The following COL11A2 variants were observed in gnomAD, a reference collection of about 807,000 sequenced individuals.
The protein encoded by COL11A2 is collagen alpha-2(XI) chain.
COL11A2 carries 116 observed loss-of-function variants against 273.4 expected under a neutral mutation model. The observed-to-expected ratio is 0.42, with a 90% CI of 0.36 to 0.49. COL11A2 has a LOEUF of 0.49. COL11A2 is among the 20% of genes least tolerant of loss of function. The pLI, the probability that COL11A2 is intolerant of heterozygous loss-of-function variation, is 0.00. For missense variants in COL11A2, 1,866 were observed against 2,309.0 expected, an observed-to-expected ratio of 0.81 and a Z score of 3.93; for synonymous variants, 782 against 864.2, an observed-to-expected ratio of 0.90 and a Z score of 1.67.
Position 33,167,759 on chromosome 6 carries a change from C to T in COL11A2, c.4014+40G>A, listed in dbSNP as rs755208048. Reference sequence around the variant, plus strand: ...ACGGAGGCATCTGAGGGGTGGGAGGCGGAGGGGATGCTCCAGCACTAGGGC... The same window carrying T: ...ACGGAGGCATCTGAGGGGTGGGAGGTGGAGGGGATGCTCCAGCACTAGGGC... On this transcript the variant is annotated intron_variant, in intron 55 of 65. Coordinates refer to ENST00000341947, the MANE Select transcript of COL11A2 (RefSeq NM_080680.3). This position sits in a 1 kb window ranked among gnomAD's most constrained non-coding sequence, Gnocchi z 6.1. 6.8e-5 allele frequency: 109 copies of T among 1,610,676 alleles called. No individual in the cohort carries two copies. Among genetic ancestry groups the T allele is most frequent in the East Asian group, 4.2e-4 (19 of 44,814 alleles).
Position 33,178,153 on chromosome 6 carries a change from T to A in COL11A2, c.1851A>T (p.Pro617=). 4 of 1,610,256 alleles carry A rather than the reference T, an allele frequency of 2.5e-6. No homozygotes were observed. Among genetic ancestry groups the A allele is most frequent in the Non-Finnish European group, 3.4e-6 (4 of 1,178,308 alleles). ...GPRGLLGPKG[P]PGIPGPPGVR... is the part of the protein sequence containing the mutation. The stretch of plus-strand genomic sequence containing the variant: ...TTACAGGGGGTCCAGGAATACCAGG[T>A]GGGCCTTTGGGGCCAAGGAGACCTC... Residue 617 remains proline, a synonymous_variant, in exon 21 of 66, where the codon CCA becomes CCT. Coordinates refer to ENST00000341947, the MANE Select transcript of COL11A2 (RefSeq NM_080680.3). The surrounding 1 kb of genome is among the most constrained non-coding windows in gnomAD (Gnocchi z 4.6).
intron 29 of COL11A2, 73 bp downstream of exon 29, chr6:33,175,943 C>G: frequency 6.4e-7 from 1 of 1,557,942 alleles, no homozygotes; most frequent in Non-Finnish European, 8.8e-7. Context: ...GGAGAATAAA[C>G]CGGTGCTTGG....
intron 8 of COL11A2, among the ~76,000 whole-genome samples, chr6:33,182,325 A>G (rs529890013): frequency 1.3e-5 from 2 of 152,356 alleles, no homozygotes; most frequent in African/African-American, 4.8e-5. Context: ...CCAGAAATGA[A>G]AAAGTATATG....
intron 40 of COL11A2, 42 bp from the exon 41 acceptor site, chr6:33,172,145 G>T: frequency 6.2e-7 from 1 of 1,611,356 alleles, no homozygotes; most frequent in Non-Finnish European, 8.5e-7. Context: ...TTCACGAAAA[G>T]AGAAGGGTGA....
At position 33,164,367 on chromosome 6, in the gene COL11A2, C is replaced by A. The variant is rs1300439797; in HGVS notation, c.4970G>T (p.Gly1657Val). The change falls in exon 65 of 66, where the codon GGA (glycine) becomes GTA (valine). Residue 1657 changes from glycine (G) to valine (V), a missense_variant. Coordinates refer to ENST00000341947, the MANE Select transcript of COL11A2 (RefSeq NM_080680.3). The surrounding 1 kb of genome is among the most constrained non-coding windows in gnomAD (Gnocchi z 4.7). ...AHQDVSYPCSGAARDGPLRLR... is the reference protein window; with the variant it reads ...AHQDVSYPCSVAARDGPLRLR... ...TCTCAGGGGACCGTCACGGGCTGCT[C>A]CAGAGCAGGGGTAGGAGACGTCCTG... The A allele has an allele frequency of 6.2e-7, 1 of 1,612,380 alleles. No homozygotes were observed. The highest frequency in any genetic ancestry group is 2.2e-5 in the East Asian group (1 of 44,878).
chr6:33,178,197 G>A lies in COL11A2; in HGVS notation c.1819-12C>T, dbSNP rs752429079. ...AGACCTCGAGGTCCCTGCATTCACG[G>A]TGAGGGGAGGAGACGGCATGAATGG... On this transcript the variant is annotated splice_polypyrimidine_tract_variant and intron_variant, in intron 20 of 65. Transcript: ENST00000341947. The surrounding 1 kb of genome is among the most constrained non-coding windows in gnomAD (Gnocchi z 4.6). 2.5e-6 allele frequency: 4 copies of A among 1,611,502 alleles called. No homozygotes were observed. The highest frequency in any genetic ancestry group is 1.7e-5 in the Admixed American group (1 of 59,950).
At position 33,172,590 on chromosome 6, in the gene COL11A2, G is replaced by T; in HGVS notation, c.2838C>A (p.Gly946=). Residue 946 remains glycine, a synonymous_variant, in exon 39 of 66, where the codon GGC becomes GGA. Coordinates refer to ENST00000341947, the MANE Select transcript of COL11A2 (RefSeq NM_080680.3). The stretch of plus-strand genomic sequence containing the variant: ...CCTGCTCTCCAGGGGGCCCCGGGGG[G>T]CCTGGGTGACCTCTCTCCCCCATAG... ...TGPMGERGHP[G]PPGPPGEQGL... The T allele has an allele frequency of 6.2e-7, 1 of 1,612,632 alleles. No individual in the cohort carries two copies. Among genetic ancestry groups the T allele is most frequent in the Non-Finnish European group, 8.5e-7 (1 of 1,179,922 alleles).
At position 33,188,485 on chromosome 6, in the gene COL11A2, G is replaced by A. The variant is rs754610645; in HGVS notation, c.483C>T (p.Val161=). The change falls in exon 4 of 66, where the codon GTC becomes GTT. Residue 161 remains valine (V), a synonymous_variant. Transcript: ENST00000341947. ...GCTTCTTGCAGTCAACAATGAGGGT[G>A]ACAGACTGGCCCTTCACAGCCACAG... is the stretch of plus-strand genomic sequence containing the variant. ...RVAVAVKGQS[V]TLIVDCKKRV... The A allele has an allele frequency of 1.9e-5, 30 of 1,613,074 alleles. No homozygotes were observed. In the Admixed American group the frequency reaches 4.2e-4, roughly 22 times the overall value.
Position 33,166,959 on chromosome 6 carries a change from G to A in COL11A2, c.4230+111C>T, listed in dbSNP as rs1769242779. ...GGCCCTCACTGAGCAGGGACTCCCT[G>A]GGACTGGCTGCCGGAGGCCTGAAGC... On this transcript the variant is annotated intron_variant, in intron 58 of 65. Transcript: ENST00000341947. The surrounding 1 kb of genome is among the most constrained non-coding windows in gnomAD (Gnocchi z 4.8). 5.2e-6 allele frequency: 8 copies of A among 1,538,970 alleles called. No individual in the cohort carries two copies. Among genetic ancestry groups the A allele is most frequent in the Non-Finnish European group, 6.2e-6 (7 of 1,124,288 alleles).
chr6:33,184,774 T>G (rs111477966), intron 7 of COL11A2, among the ~76,000 whole-genome samples: 1 of 152,126 alleles, frequency 6.6e-6, no homozygotes, highest in East Asian at 1.9e-4. Flanking sequence ...CAAAGAATCA[T>G]GGAAGGAGGC....
rs754192140 is a variant in COL11A2, at chr6:33,177,225, C to T, written c.1972G>A (p.Gly658Ser). Residue 658 changes from glycine (G) to serine (S), a missense_variant and splice_region_variant, in exon 24 of 66, where the codon GGT becomes AGT. Coordinates refer to ENST00000341947, the MANE Select transcript of COL11A2 (RefSeq NM_080680.3). The surrounding 1 kb of genome is among the most constrained non-coding windows in gnomAD (Gnocchi z 5.9). ...ATGGCACCCTGGGGCCCGGGAAGAC[C>T]CTACATACAGGGAAAGAGAAGTCAC... ...PGQQGTPGTQ[G>S]LPGPQGAIGP... The T allele has an allele frequency of 6.2e-7, 1 of 1,613,018 alleles. No homozygotes were observed.
Position 33,164,528 on chromosome 6 carries a change from A to T in COL11A2, c.4864-55T>A. On this transcript the variant is annotated intron_variant, in intron 64 of 65. Coordinates refer to ENST00000341947, the MANE Select transcript of COL11A2 (RefSeq NM_080680.3). The surrounding 1 kb of genome is among the most constrained non-coding windows in gnomAD (Gnocchi z 4.7). ...GGGGGAGAGAGAGGGCTGGCCTCAGAGGGAGACAGAGACGGGCCTCAGGAG... is the reference window on the plus strand; with the variant it reads ...GGGGGAGAGAGAGGGCTGGCCTCAGTGGGAGACAGAGACGGGCCTCAGGAG... 1 of 1,411,438 alleles carries T rather than the reference A, an allele frequency of 7.1e-7. No homozygotes were observed. The highest frequency in any genetic ancestry group is 9.5e-7 in the Non-Finnish European group (1 of 1,048,930). 87.4% of individuals were successfully genotyped at this position (1,411,438 alleles called of 1,614,324 possible). A position where few individuals can be genotyped will look rare whatever the true frequency, so the allele number is the denominator to read the frequency against.
At position 33,189,216 on chromosome 6, in the gene COL11A2, G is replaced by C. The variant is rs1364675180; in HGVS notation, c.233-28C>G. On this transcript the variant is annotated intron_variant, in intron 2 of 65. Transcript: ENST00000341947. This position sits in a 1 kb window ranked among gnomAD's most constrained non-coding sequence, Gnocchi z 5.6. ...AGTAACCGAGAGAGATACACACAGA[G>C]TGAGAGGCAAAGGGAGCCGCCACAA... 3.1e-6 allele frequency: 5 copies of C among 1,612,534 alleles called. No individual in the cohort carries two copies. The highest frequency in any genetic ancestry group is 2.5e-6 in the Non-Finnish European group (3 of 1,179,242).
rs55933410 is a variant in COL11A2, at chr6:33,169,616, G to A, written c.3691-126C>T. The A allele has an allele frequency of 8.8e-7, 1 of 1,131,326 alleles. No individual in the cohort carries two copies. Among genetic ancestry groups the A allele is most frequent in the Admixed American group, 1.9e-5 (1 of 52,214 alleles). The allele number at this position is 1,131,326 out of a possible 1,614,324, so 70.1% of individuals were successfully genotyped here. A position where few individuals can be genotyped will look rare whatever the true frequency, so the allele number is the denominator to read the frequency against. Reference sequence around the variant, plus strand: ...AGTGACAATGGGACATACACAGAAAGTCAAGCCTACAAGGGGAGTTCCCTA... The same window carrying A: ...AGTGACAATGGGACATACACAGAAAATCAAGCCTACAAGGGGAGTTCCCTA... On this transcript the variant is annotated intron_variant, in intron 50 of 65. Coordinates refer to ENST00000341947, the MANE Select transcript of COL11A2 (RefSeq NM_080680.3). This position sits in a 1 kb window ranked among gnomAD's most constrained non-coding sequence, Gnocchi z 5.5.
At position 33,170,383 on chromosome 6, in the gene COL11A2, G is replaced by T. The variant is rs763393192; in HGVS notation, c.3529-4C>A. 1.2e-6 allele frequency: 2 copies of T among 1,613,016 alleles called. No individual in the cohort carries two copies. The highest frequency in any genetic ancestry group is 1.3e-5 in the African/African-American group (1 of 74,790). On this transcript the variant is annotated splice_polypyrimidine_tract_variant and splice_region_variant and intron_variant, in intron 47 of 65. Coordinates refer to ENST00000341947, the MANE Select transcript of COL11A2 (RefSeq NM_080680.3). This position sits in a 1 kb window ranked among gnomAD's most constrained non-coding sequence, Gnocchi z 4.3. Reference sequence around the variant, plus strand: ...GTCCTGGGGGGCCAGGTGGTCCCTGGGGGAAACAGATACACCACAGATGAG... The same window carrying T: ...GTCCTGGGGGGCCAGGTGGTCCCTGTGGGAAACAGATACACCACAGATGAG...
Position 33,170,437 on chromosome 6 carries a change from T to A in COL11A2, c.3529-58A>T, listed in dbSNP as rs546624839. On this transcript the variant is annotated intron_variant, in intron 47 of 65. Transcript: ENST00000341947. The surrounding 1 kb of genome is among the most constrained non-coding windows in gnomAD (Gnocchi z 4.3). ...GGGAAGTGAGATGGCTGAGCATGAA[T>A]GGTGGAGAGAGGAGGAGGAGCAGCC... is the stretch of plus-strand genomic sequence containing the variant. 1 of 1,466,472 alleles carries A rather than the reference T, an allele frequency of 6.8e-7. No individual in the cohort carries two copies. The highest frequency in any genetic ancestry group is 1.1e-5 in the South Asian group (1 of 88,346). 90.8% of individuals were successfully genotyped at this position (1,466,472 alleles called of 1,614,324 possible). A position where few individuals can be genotyped will look rare whatever the true frequency, so the allele number is the denominator to read the frequency against.
Position 33,174,226 on chromosome 6 carries a change from GA to G in COL11A2, c.2431-9del. The G allele has an allele frequency of 6.4e-7, 1 of 1,555,962 alleles. No homozygotes were observed. The highest frequency in any genetic ancestry group is 8.7e-7 in the Non-Finnish European group (1 of 1,150,992). ...AGGAAATCCTAGGGACCCCTGGTGAGAACGGAGAAGGGGGGAAATTGAGAAG... is the reference window on the plus strand; with the variant it reads ...AGGAAATCCTAGGGACCCCTGGTGAGACGGAGAAGGGGGGAAATTGAGAAG... On this transcript the variant is annotated splice_polypyrimidine_tract_variant and intron_variant, in intron 31 of 65. Coordinates refer to ENST00000341947, the MANE Select transcript of COL11A2 (RefSeq NM_080680.3).
Position 33,186,733 on chromosome 6 carries a change from C to A in COL11A2, c.692G>T (p.Gly231Val), listed in dbSNP as rs769697511. Residue 231 changes from glycine to valine, a missense_variant, in exon 5 of 66, where the codon GGC becomes GTC. Physicochemically the swap from Gly to Val is moderately radical, Grantham distance 109. Coordinates refer to ENST00000341947, the MANE Select transcript of COL11A2 (RefSeq NM_080680.3). ...TTGGTTTTGGGGTCTTTCCCTCTGGCCCCCCTCGCATTCCAGCTCCTTCTG... is the reference window on the plus strand; with the variant it reads ...TTGGTTTTGGGGTCTTTCCCTCTGGACCCCCTCGCATTCCAGCTCCTTCTG... Reference protein sequence around the residue: ...CEQKELECEGGQRERPQNQQP... With the variant: ...CEQKELECEGVQRERPQNQQP... 1.2e-6 allele frequency: 2 copies of A among 1,614,086 alleles called. No individual in the cohort carries two copies. Among genetic ancestry groups the A allele is most frequent in the East Asian group, 2.2e-5 (1 of 44,874 alleles).
chr6:33,168,843 C>T lies in COL11A2; in HGVS notation c.3853-84G>A, dbSNP rs2150532211. The T allele has an allele frequency of 2.7e-5, 43 of 1,606,752 alleles. 1 individual carries two copies. The South Asian group carries it at 4.7e-4, about 18-fold the overall frequency. On this transcript the variant is annotated intron_variant, in intron 52 of 65. Transcript: ENST00000341947. The stretch of plus-strand genomic sequence containing the variant: ...AACTGTCAATACCCCATCCCCTTGC[C>T]CACCCTGCCATACCCCCGGCTTCCC...
Sources: gnomAD v4.1 joint callset for allele counts (sites outside exome capture counted in the v4.1 genomes callset) on GRCh38, gnomAD v4.1.1 for gene constraint, Gnocchi (gnomAD v3.1) non-coding constraint, MANE v1.5 for transcripts, NCBI Gene and HGNC (gene_info 2026-07-23, HGNC 2026-07-21) for gene names.